The following SEMA3A variants were observed in gnomAD, a reference collection of about 807,000 sequenced individuals.
SEMA3A encodes semaphorin 3A, also known as semaphorin-3A.
Under a neutral mutation model 97.9 loss-of-function variants are expected in SEMA3A, and 29 were observed. The observed-to-expected ratio is 0.30, with a 90% confidence interval of 0.22 to 0.40. The LOEUF is 0.40. Ranked by LOEUF, SEMA3A falls within the 10% of genes least tolerant of loss-of-function variation. The pLI is 1.00. For missense variants in SEMA3A, 763 were observed against 951.3 expected, an observed-to-expected ratio of 0.80 and a Z score of 2.60; for synonymous variants, 321 against 323.7, an observed-to-expected ratio of 0.99 and a Z score of 0.09.
At chr7:84,427,778 AC>A (rs1430512802) in intron 1 of SEMA3A, among the ~76,000 whole-genome samples, 3 of 152,048 alleles carry the variant, frequency 2.0e-5, no homozygotes, top group African/African-American at 7.2e-5. Flanking sequence ...AATAATAAAT[AC>A]AAATAAACCT....
At chr7:84,102,890 T>C (rs1047860122) in intron 4 of SEMA3A, among the ~76,000 whole-genome samples, 4 of 152,020 alleles carry the variant, frequency 2.6e-5, no homozygotes, top group African/African-American at 9.7e-5. Flanking sequence ...CCTTTTACAC[T>C]ATCTTTTTAA....
chr7:84,256,025 A>G (rs1799713527), intron 3 of SEMA3A, among the ~76,000 whole-genome samples: 1 of 152,038 alleles, frequency 6.6e-6, no homozygotes, highest in Non-Finnish European at 1.5e-5. Context: ...GATGTGATTG[A>G]CGGAGGTGAC....
intron 3 of SEMA3A, among the ~76,000 whole-genome samples, chr7:84,280,542 C>T (rs1012568991): frequency 5.3e-5 from 8 of 151,942 alleles, no homozygotes; most frequent in African/African-American, 1.5e-4. Context: ...CCAGCACTTT[C>T]GGAGGTAGAG....
At chr7:84,096,661 T>TAC (rs1794784445) in intron 4 of SEMA3A, among the ~76,000 whole-genome samples, 1 of 152,102 alleles carries the variant, frequency 6.6e-6, no homozygotes, top group East Asian at 1.9e-4. Context: ...TTTTGTCATT[T>TAC]ATGTGTCAAA....
chr7:84,262,551 A>G (rs897320455), intron 3 of SEMA3A, among the ~76,000 whole-genome samples: 4 of 152,188 alleles, frequency 2.6e-5, no homozygotes, highest in African/African-American at 9.6e-5. Flanking sequence ...TTATTCAGTG[A>G]AACTTATTCA....
At chr7:84,073,567 G>C (rs1793824542) in intron 4 of SEMA3A, among the ~76,000 whole-genome samples, 2 of 152,096 alleles carry the variant, frequency 1.3e-5, no homozygotes, top group Non-Finnish European at 2.9e-5. Flanking sequence ...AGGTGCCAGT[G>C]ACACAGTGAT....
At chr7:84,140,088 G>A (rs906395911) in intron 1 of SEMA3A, among the ~76,000 whole-genome samples, 1 of 152,034 alleles carries the variant, frequency 6.6e-6, no homozygotes, top group Non-Finnish European at 1.5e-5. Context: ...TTCTTCTCAT[G>A]CATGTGTTTT....
chr7:84,287,101 C>A (rs960969837), intron 3 of SEMA3A, among the ~76,000 whole-genome samples: 2 of 151,938 alleles, frequency 1.3e-5, no homozygotes, highest in Non-Finnish European at 2.9e-5. Flanking sequence ...GTTTGCATTA[C>A]CTTAGTTTAT....
chr7:84,409,462 T>C (rs1181732457), intron 1 of SEMA3A, among the ~76,000 whole-genome samples: 2 of 152,092 alleles, frequency 1.3e-5, no homozygotes, highest in African/African-American at 4.8e-5. Flanking sequence ...TTAGCCCTTT[T>C]TGTGTTACTT....
intron 3 of SEMA3A, among the ~76,000 whole-genome samples, chr7:84,304,248 A>T (rs903985769): frequency 6.6e-6 from 1 of 152,258 alleles, no homozygotes; most frequent in African/African-American, 2.4e-5. Context: ...GATGTAGAGC[A>T]GGGGTCAGCA....
chr7:84,091,942 A>G (rs1172586279), intron 4 of SEMA3A, among the ~76,000 whole-genome samples: 2 of 152,142 alleles, frequency 1.3e-5, no homozygotes, highest in Non-Finnish European at 2.9e-5. Flanking sequence ...CCTAACAGAT[A>G]TGCAGGTTGT....
intron 3 of SEMA3A, among the ~76,000 whole-genome samples, chr7:84,229,114 TGG>T (rs1799058576): frequency 6.6e-6 from 1 of 151,996 alleles, no homozygotes; most frequent in Non-Finnish European, 1.5e-5. Context: ...TGATTAAACA[TGG>T]ATATAGTTTT....
At chr7:84,239,386 CTG>C (rs1202662510) in intron 3 of SEMA3A, among the ~76,000 whole-genome samples, 4 of 152,102 alleles carry the variant, frequency 2.6e-5, no homozygotes. Context: ...ACTAAATACT[CTG>C]TAAGTAATCC....
At position 84,161,470 on chromosome 7, in the gene SEMA3A, C is replaced by T. The variant is rs116691353; in HGVS notation, c.113-26519G>A. 9.4e-3 allele frequency among the ~76,000 whole-genome samples: 1,429 copies of T among 152,264 alleles called. 24 individuals carry two copies. Among genetic ancestry groups the T allele is most frequent in the African/African-American group, 0.033 (1,352 of 41,558 alleles). ...GTACAAATCATCCCTGACACCCTCA[C>T]GGGACATCAGGAGTCCTGGCTCTTC... is the stretch of plus-strand genomic sequence containing the variant. On this transcript the variant is annotated intron_variant, in intron 1 of 16. Coordinates refer to ENST00000265362, the MANE Select transcript of SEMA3A (RefSeq NM_006080.3).
At chr7:84,037,801 A>C (rs1224300821) in intron 6 of SEMA3A, among the ~76,000 whole-genome samples, 1 of 152,066 alleles carries the variant, frequency 6.6e-6, no homozygotes, top group Non-Finnish European at 1.5e-5. Flanking sequence ...AATGGTATAC[A>C]ATTTAAAATG....
chr7:83,960,007 A>G lies in SEMA3A; in HGVS notation c.*1364T>C, dbSNP rs1788405722. 6.6e-6 allele frequency: 1 copy of G among 152,100 alleles called. No homozygotes were observed. The highest frequency in any genetic ancestry group is 2.4e-5 in the African/African-American group (1 of 41,452). 9.4% of individuals were successfully genotyped at this position (152,100 alleles called of 1,614,324 possible). A position where few individuals can be genotyped will look rare whatever the true frequency, so the allele number is the denominator to read the frequency against. On this transcript the variant is annotated 3_prime_UTR_variant, in exon 17 of 17. Coordinates refer to ENST00000265362, the MANE Select transcript of SEMA3A (RefSeq NM_006080.3). ...AATACTTTGTAGAAAAGTCCCTCCCATTGATATGAAAAGAGTCATGTGTTT... is the reference window on the plus strand; with the variant it reads ...AATACTTTGTAGAAAAGTCCCTCCCGTTGATATGAAAAGAGTCATGTGTTT...
chr7:83,995,015 T>G (rs560495004), intron 12 of SEMA3A, among the ~76,000 whole-genome samples: 21 of 152,272 alleles, frequency 1.4e-4, no homozygotes, highest in African/African-American at 4.6e-4. Context: ...ATATAATCTC[T>G]TGGTGCGCCG....
intron 1 of SEMA3A, among the ~76,000 whole-genome samples, chr7:84,469,948 A>C (rs1180277377): frequency 1.3e-5 from 2 of 151,814 alleles, no homozygotes; most frequent in Admixed American, 1.3e-4. Flanking sequence ...TAAAATATGA[A>C]ATAATGGTTA....
chr7:84,015,465 A>G (rs1791061091), intron 6 of SEMA3A, among the ~76,000 whole-genome samples: 1 of 152,194 alleles, frequency 6.6e-6, no homozygotes, highest in African/African-American at 2.4e-5. Flanking sequence ...CTCACAAACT[A>G]TATAAAATAT....
Sources: allele counts gnomAD v4.1 joint callset (sites outside exome capture counted in the v4.1 genomes callset), GRCh38; gene constraint gnomAD v4.1.1; transcripts MANE v1.5; gene names NCBI Gene and HGNC (gene_info 2026-07-23, HGNC 2026-07-21).